Variants in MACROD2 observed in about 807,000 individuals in gnomAD.
MACROD2 encodes the protein mono-ADP ribosylhydrolase 2.
Under a neutral mutation model 70.4 loss-of-function variants are expected in MACROD2, and 36 were observed. That is an observed-to-expected ratio of 0.51 (90% CI 0.39 to 0.68). MACROD2 has a LOEUF of 0.68. Among genes scored for constraint, MACROD2 ranks in the 30% least tolerant of loss-of-function variants. MACROD2 has a pLI of 0.00. For synonymous variants in MACROD2, 172 were observed against 178.8 expected (o/e 0.96, Z 0.30); for missense variants, 496 against 538.4 (o/e 0.92, Z 0.78).
chr20:15,006,591 G>A (rs1056866319), intron 5 of MACROD2, among the ~76,000 whole-genome samples: 5 of 152,068 alleles, frequency 3.3e-5, no homozygotes, highest in African/African-American at 4.8e-5. Flanking sequence ...AAAACTTCGT[G>A]CTGTATACCT....
chr20:14,195,261 C>T (rs1028156724), intron 3 of MACROD2, among the ~76,000 whole-genome samples: 1 of 151,994 alleles, frequency 6.6e-6, no homozygotes, highest in Non-Finnish European at 1.5e-5. Flanking sequence ...TATAGCACAC[C>T]AAACCCCACA....
At chr20:14,911,637 T>C (rs2074028919) in intron 5 of MACROD2, among the ~76,000 whole-genome samples, 1 of 152,048 alleles carries the variant, frequency 6.6e-6, no homozygotes, top group Non-Finnish European at 1.5e-5. Context: ...CTTCCCAAAA[T>C]GCTGGGATTG....
At chr20:15,835,066 T>C (rs978472810) in intron 8 of MACROD2, among the ~76,000 whole-genome samples, 2 of 152,178 alleles carry the variant, frequency 1.3e-5, no homozygotes, top group Non-Finnish European at 1.5e-5. Flanking sequence ...ACAATCTCAA[T>C]TGGAGAGGAT....
At chr20:14,022,273 A>C (rs941957109) in intron 2 of MACROD2, among the ~76,000 whole-genome samples, 33 of 152,138 alleles carry the variant, frequency 2.2e-4, no homozygotes, top group African/African-American at 7.5e-4. Flanking sequence ...TCTTAGAATA[A>C]AGTATTATTT....
At chr20:14,853,173 CTGTGTGTGTGTGTG>C (rs147348353) in intron 5 of MACROD2, among the ~76,000 whole-genome samples, 1 of 149,240 alleles carries the variant, frequency 6.7e-6, no homozygotes, top group Non-Finnish European at 1.5e-5. Context: ...GTGTGTGTGT[CTGTGTGTGTGTGTG>C]TGTGTGTGTG....
chr20:15,553,917 C>G (rs1179523767), intron 8 of MACROD2, among the ~76,000 whole-genome samples: 4 of 152,124 alleles, frequency 2.6e-5, no homozygotes, highest in Non-Finnish European at 5.9e-5. Flanking sequence ...AGAGTTACAG[C>G]AGACAAGAAG....
intron 3 of MACROD2, among the ~76,000 whole-genome samples, chr20:14,207,842 C>T (rs1426265395): frequency 1.3e-5 from 2 of 152,182 alleles, no homozygotes; most frequent in Admixed American, 6.5e-5. Flanking sequence ...TGGGCAAAAA[C>T]CTTATCAGGA....
intron 5 of MACROD2, among the ~76,000 whole-genome samples, chr20:14,716,275 A>G (rs1568755371): frequency 6.6e-6 from 1 of 152,192 alleles, no homozygotes; most frequent in Admixed American, 6.5e-5. Context: ...TTGCTAAATT[A>G]AAGCTCATCT....
chr20:14,502,555 G>A (rs2084926235), intron 4 of MACROD2, among the ~76,000 whole-genome samples: 1 of 152,152 alleles, frequency 6.6e-6, no homozygotes, highest in African/African-American at 2.4e-5. Flanking sequence ...CTTTACAGGT[G>A]TGGAATAACT....
At chr20:15,075,200 T>A (rs1305145467) in intron 5 of MACROD2, among the ~76,000 whole-genome samples, 1 of 152,086 alleles carries the variant, frequency 6.6e-6, no homozygotes, top group Non-Finnish European at 1.5e-5. Flanking sequence ...TGTTTGAAAT[T>A]TTCATTAAAA....
chr20:14,721,268 A>G (rs2071466067), intron 5 of MACROD2, among the ~76,000 whole-genome samples: 1 of 151,504 alleles, frequency 6.6e-6, no homozygotes, highest in Non-Finnish European at 1.5e-5. Flanking sequence ...AAAAAAAAAA[A>G]AAGAAAAGAA....
intron 5 of MACROD2, among the ~76,000 whole-genome samples, chr20:15,025,726 C>A (rs1467361545): frequency 6.6e-6 from 1 of 152,070 alleles, no homozygotes; most frequent in African/African-American, 2.4e-5. Context: ...GGGGTGCTGT[C>A]CTGTGCATTG....
intron 4 of MACROD2, among the ~76,000 whole-genome samples, chr20:14,564,593 A>G (rs6033980): frequency 0.02 from 3,029 of 152,192 alleles, 113 homozygotes; most frequent in African/African-American, 0.069. Flanking sequence ...CAAACATGAA[A>G]AAATGCTCAA....
chr20:14,913,644 ATC>A (rs1322528794), intron 5 of MACROD2, among the ~76,000 whole-genome samples: 4 of 152,170 alleles, frequency 2.6e-5, no homozygotes, highest in Non-Finnish European at 4.4e-5. Flanking sequence ...CTATGATCAC[ATC>A]ACTGCATTCT....
chr20:15,046,877 A>G (rs1001598882), intron 5 of MACROD2, among the ~76,000 whole-genome samples: 8 of 152,180 alleles, frequency 5.3e-5, no homozygotes, highest in African/African-American at 1.9e-4. Flanking sequence ...CTGAAAAGGA[A>G]TTTATTAATC....
intron 8 of MACROD2, among the ~76,000 whole-genome samples, chr20:15,727,148 A>G (rs926806944): frequency 6.6e-6 from 1 of 152,144 alleles, no homozygotes; most frequent in African/African-American, 2.4e-5. Context: ...GTTCAGTTTC[A>G]ATCTTCTGCA....
intron 5 of MACROD2, among the ~76,000 whole-genome samples, chr20:14,867,606 T>G (rs1275244399): frequency 1.3e-5 from 2 of 152,136 alleles, no homozygotes; most frequent in African/African-American, 4.8e-5. Context: ...ACATCTGCCA[T>G]GTTGATTTCT....
intron 12 of MACROD2, among the ~76,000 whole-genome samples, chr20:15,943,417 A>T (rs908617786): frequency 2.0e-5 from 3 of 152,096 alleles, no homozygotes; most frequent in African/African-American, 7.2e-5. Context: ...TCCTCACCCC[A>T]TCACTCATCA....
intron 5 of MACROD2, among the ~76,000 whole-genome samples, chr20:15,103,846 G>A (rs1381761586): frequency 6.6e-6 from 1 of 152,074 alleles, no homozygotes; most frequent in Non-Finnish European, 1.5e-5. Flanking sequence ...CTGAATAAAG[G>A]GAATCCAGGA....
Sources: allele counts gnomAD v4.1 joint callset (sites outside exome capture counted in the v4.1 genomes callset), GRCh38; gene constraint gnomAD v4.1.1; transcripts MANE v1.5; gene names NCBI Gene and HGNC (gene_info 2026-07-23, HGNC 2026-07-21).